The following FGGY variants were observed in gnomAD, a reference collection of about 807,000 sequenced individuals.
FGGY encodes FGGY carbohydrate kinase domain containing, also known as FGGY carbohydrate kinase domain-containing protein.
FGGY carries 72 observed loss-of-function variants against 71.3 expected under a neutral mutation model. The ratio of observed to expected loss-of-function variants is 1.01; its 90% CI spans 0.84 to 1.23. FGGY has a LOEUF of 1.23. FGGY is among the 50% of genes most tolerant of loss of function. FGGY has a pLI of 0.00. For missense variants in FGGY, 668 were observed against 682.3 expected, an observed-to-expected ratio of 0.98 and a Z score of 0.23; for synonymous variants, 251 against 250.3, an observed-to-expected ratio of 1.00 and a Z score of -0.02.
At chr1:59,373,815 C>T (rs2058155745) in intron 4 of FGGY, among the ~76,000 whole-genome samples, 1 of 152,148 alleles carries the variant, frequency 6.6e-6, no homozygotes, top group Non-Finnish European at 1.5e-5. Context: ...GAAAGGATTC[C>T]CTATTTAATA....
chr1:59,699,733 C>T (rs1250704031), intron 14 of FGGY, among the ~76,000 whole-genome samples: 2 of 152,190 alleles, frequency 1.3e-5, no homozygotes, highest in Non-Finnish European at 2.9e-5. Flanking sequence ...TATTTATTAA[C>T]ATGTTTAATT....
intron 8 of FGGY, among the ~76,000 whole-genome samples, chr1:59,587,939 T>C (rs1414800060): frequency 1.3e-5 from 2 of 152,214 alleles, no homozygotes; most frequent in African/African-American, 4.8e-5. Flanking sequence ...GGAACAAAGC[T>C]GGACAGAGAT....
intron 11 of FGGY, among the ~76,000 whole-genome samples, chr1:59,655,016 G>A (rs2097205254): frequency 6.6e-6 from 1 of 152,248 alleles, no homozygotes; most frequent in African/African-American, 2.4e-5. Context: ...CCATACTCCT[G>A]CATGCCTGTA....
At chr1:59,687,902 G>GAA (rs2097557991) in intron 14 of FGGY, among the ~76,000 whole-genome samples, 1 of 152,294 alleles carries the variant, frequency 6.6e-6, no homozygotes, top group South Asian at 2.1e-4. Context: ...ACTACTAAAA[G>GAA]AAAAGGTAGT....
At position 59,697,357 on chromosome 1, in the gene FGGY, C is replaced by T. The variant is rs184659830; in HGVS notation, c.1512+23224C>T. ...GTTAAACAATAACTCTGCATTGCCC[C>T]CTCCCCCAACCCCTAGCAACCACCA... On this transcript the variant is annotated intron_variant, in intron 14 of 15. Transcript: ENST00000303721. 1.7e-3 allele frequency among the ~76,000 whole-genome samples: 253 copies of T among 152,210 alleles called. 1 individual carries two copies. The highest frequency in any genetic ancestry group is 6.8e-3 in the Middle Eastern group (2 of 294).
intron 2 of FGGY, among the ~76,000 whole-genome samples, chr1:59,322,507 G>A (rs2046590365): frequency 6.6e-6 from 1 of 152,082 alleles, no homozygotes; most frequent in Non-Finnish European, 1.5e-5. Flanking sequence ...TGCCTCCGAG[G>A]TGCACTCTTA....
intron 5 of FGGY, among the ~76,000 whole-genome samples, chr1:59,404,543 C>T (rs952801111): frequency 1.3e-5 from 2 of 151,996 alleles, no homozygotes; most frequent in African/African-American, 2.4e-5. Context: ...AGTTGTTGAG[C>T]GTAGAACAGC....
chr1:59,339,988 A>C lies in FGGY; in HGVS notation c.232A>C (p.Ile78Leu), dbSNP rs1027698261. Residue 78 changes from isoleucine to leucine, a missense_variant, in exon 3 of 16, where the codon ATT (isoleucine) becomes CTT (leucine). Around this residue, in one of 2 missense-constraint regions of FGGY, gnomAD observed 661 missense variants for 661.6 expected, o/e 1.00. Coordinates refer to ENST00000303721, the MANE Select transcript of FGGY (RefSeq NM_018291.5). ...TGTACAAGGGATTGATTTAAACCAA[A>C]TTCGAGGACTTGGGTTTGATGCCAC... ...KVVQGIDLNQIRGLGFDATCS... is the reference protein window; with the variant it reads ...KVVQGIDLNQLRGLGFDATCS... The C allele has an allele frequency of 3.0e-5, 49 of 1,613,168 alleles. No individual in the cohort carries two copies. The highest frequency in any genetic ancestry group is 3.9e-5 in the Non-Finnish European group (46 of 1,179,552).
At chr1:59,646,838 T>G (rs2097099684) in intron 11 of FGGY, among the ~76,000 whole-genome samples, 1 of 152,182 alleles carries the variant, frequency 6.6e-6, no homozygotes, top group African/African-American at 2.4e-5. Context: ...GTCAATGACA[T>G]TCTTTGGGGA....
At chr1:59,672,546 A>G (rs2097390414) in intron 13 of FGGY, among the ~76,000 whole-genome samples, 1 of 152,182 alleles carries the variant, frequency 6.6e-6, no homozygotes, top group Non-Finnish European at 1.5e-5. Flanking sequence ...TTCTCCCAGC[A>G]TTCCCACCCC....
chr1:59,558,689 C>T (rs2095734220), intron 8 of FGGY, among the ~76,000 whole-genome samples: 1 of 152,154 alleles, frequency 6.6e-6, no homozygotes. Flanking sequence ...GGTTCAAGAG[C>T]AGAGAACCGA....
chr1:59,372,144 A>C (rs1161160182), intron 4 of FGGY, among the ~76,000 whole-genome samples: 26 of 152,186 alleles, frequency 1.7e-4, no homozygotes, highest in Non-Finnish European at 2.1e-4. Context: ...TGAAAGGATC[A>C]ACAAAATTGA....
intron 13 of FGGY, among the ~76,000 whole-genome samples, chr1:59,669,595 A>C (rs1328987336): frequency 1.7e-5 from 2 of 116,400 alleles, no homozygotes; most frequent in Non-Finnish European, 3.2e-5. Flanking sequence ...GGGTTTCACC[A>C]TGTTGGCCAG....
At chr1:59,394,450 T>C (rs577037330) in intron 5 of FGGY, among the ~76,000 whole-genome samples, 62 of 152,282 alleles carry the variant, frequency 4.1e-4, no homozygotes, top group Middle Eastern at 6.8e-3. Context: ...CTGGGACTTA[T>C]TGTGTGACCT....
intron 9 of FGGY, among the ~76,000 whole-genome samples, chr1:59,608,247 T>C (rs964360238): frequency 2.0e-5 from 3 of 152,156 alleles, no homozygotes; most frequent in Non-Finnish European, 4.4e-5. Flanking sequence ...CATAGCCCCT[T>C]GAGACATGGC....
At chr1:59,447,138 C>G (rs1208735219) in intron 5 of FGGY, among the ~76,000 whole-genome samples, 1 of 152,002 alleles carries the variant, frequency 6.6e-6, no homozygotes, top group Non-Finnish European at 1.5e-5. Context: ...GAGGGAAATA[C>G]CTTCAGTAAC....
intron 4 of FGGY, among the ~76,000 whole-genome samples, chr1:59,364,532 A>G (rs768793643): frequency 6.6e-6 from 1 of 152,182 alleles, no homozygotes; most frequent in Non-Finnish European, 1.5e-5. Context: ...TTATTCATTC[A>G]TTAGCTAACA....
In FGGY at chr1:59,630,033, G is replaced by A. The variant is rs1389033409; in HGVS notation, c.1073+3984G>A. Among the ~76,000 whole-genome samples, 5 of 152,118 alleles carry A rather than the reference G, an allele frequency of 3.3e-5. No individual in the cohort carries two copies. The East Asian group carries it at 9.6e-4, about 29-fold the overall frequency. ...AGTTCTGTGGGCTGGGCAGGCATCAGGAAACTTACAGTCATGGTGGAAGGG... is the reference window on the plus strand; with the variant it reads ...AGTTCTGTGGGCTGGGCAGGCATCAAGAAACTTACAGTCATGGTGGAAGGG... On this transcript the variant is annotated intron_variant, in intron 10 of 15. Transcript: ENST00000303721.
At chr1:59,419,925 T>A (rs2065123237) in intron 5 of FGGY, among the ~76,000 whole-genome samples, 1 of 152,212 alleles carries the variant, frequency 6.6e-6, no homozygotes, top group South Asian at 2.1e-4. Flanking sequence ...GCTGCTAAGC[T>A]GTTGATAAGT....
Sources: gnomAD v4.1 joint callset for allele counts (sites outside exome capture counted in the v4.1 genomes callset) on GRCh38, gnomAD v4.1.1 for gene constraint, gnomAD v4.1.1 regional missense constraint, MANE v1.5 for transcripts, NCBI Gene and HGNC (gene_info 2026-07-23, HGNC 2026-07-21) for gene names.